The following TTC7A variants were observed in gnomAD, a reference collection of about 807,000 sequenced individuals.
TTC7A encodes the protein tetratricopeptide repeat domain 7A.
A neutral mutation model predicts 103.7 loss-of-function variants in TTC7A; 110 were observed. That is an observed-to-expected ratio of 1.06 (90% CI 0.91 to 1.24). TTC7A has a LOEUF of 1.24. TTC7A is among the 50% of genes most tolerant of loss of function. The pLI is 0.00. For missense variants in TTC7A, 1,340 were observed against 1,116.3 expected (o/e 1.20, Z -2.86); for synonymous variants, 521 against 467.9 (o/e 1.11, Z -1.47).
intron 2 of TTC7A, among the ~76,000 whole-genome samples, chr2:46,930,616 C>CA (rs1374744274): frequency 6.6e-6 from 1 of 151,698 alleles, no homozygotes; most frequent in Non-Finnish European, 1.5e-5. Context: ...TCTCCTGCCT[C>CA]AGCCTCCCAA....
intron 1 of TTC7A, among the ~76,000 whole-genome samples, chr2:46,944,541 A>T (rs1670766301): frequency 6.6e-6 from 1 of 151,958 alleles, no homozygotes; most frequent in South Asian, 2.1e-4. Context: ...ACAAAGTGAG[A>T]TCCCATCTCT....
chr2:47,072,641 A>C (rs1003694868), intron 19 of TTC7A, among the ~76,000 whole-genome samples: 1 of 151,176 alleles, frequency 6.6e-6, no homozygotes, highest in Non-Finnish European at 1.5e-5. Flanking sequence ...GCAGCTCCCC[A>C]CCCCCACTGC....
chr2:47,014,466 C>G (rs886312970), intron 11 of TTC7A, among the ~76,000 whole-genome samples: 9 of 152,184 alleles, frequency 5.9e-5, no homozygotes, highest in Admixed American at 2.6e-4. Flanking sequence ...GTTTGAGCCC[C>G]TTTTTCTCAA....
chr2:47,036,662 G>A (rs949983035), intron 15 of TTC7A, among the ~76,000 whole-genome samples: 1 of 152,164 alleles, frequency 6.6e-6, no homozygotes, highest in South Asian at 2.1e-4. Context: ...TTTGAGAACA[G>A]CCCTGGTAAC....
intron 5 of TTC7A, among the ~76,000 whole-genome samples, chr2:46,987,595 T>C (rs1376458469): frequency 6.6e-6 from 1 of 152,220 alleles, no homozygotes; most frequent in Non-Finnish European, 1.5e-5. Context: ...TATTCTTTGC[T>C]CTGGGTCCAG....
chr2:47,024,370 C>T lies in TTC7A; in HGVS notation c.1641+11C>T, dbSNP rs773220247. Reference sequence around the variant, plus strand: ...GCCCTCGTCCGACAGGTGGGTTGTCCGTGTTCCTAACCCCCGGGTCCTCGG... The same window carrying T: ...GCCCTCGTCCGACAGGTGGGTTGTCTGTGTTCCTAACCCCCGGGTCCTCGG... On this transcript the variant is annotated intron_variant, in intron 14 of 19. Transcript: ENST00000319190. The T allele has an allele frequency of 1.2e-5, 19 of 1,602,852 alleles. No homozygotes were observed. Among genetic ancestry groups the T allele is most frequent in the Admixed American group, 8.5e-5 (5 of 58,880 alleles).
At chr2:46,921,177 G>A (rs151265033) in intron 2 of TTC7A, among the ~76,000 whole-genome samples, 74 of 152,206 alleles carry the variant, frequency 4.9e-4, no homozygotes, top group African/African-American at 1.7e-3. Context: ...GCTTTAAGCC[G>A]TTAGAGAACA....
intron 19 of TTC7A, 66 bp from the exon 20 acceptor site, chr2:47,073,636 C>A: frequency 7.6e-6 from 11 of 1,444,388 alleles, no homozygotes; most frequent in Non-Finnish European, 1.1e-5. Context: ...CTGTGCTTGG[C>A]CCAGTTGCCA....
At chr2:46,926,346 C>T (rs1334946897) in intron 2 of TTC7A, among the ~76,000 whole-genome samples, 1 of 152,134 alleles carries the variant, frequency 6.6e-6, no homozygotes, top group African/African-American at 2.4e-5. Flanking sequence ...TGCTCCCTAT[C>T]CTCAAGATAC....
chr2:46,924,927 C>T (rs886796047), intron 2 of TTC7A, among the ~76,000 whole-genome samples: 1 of 152,204 alleles, frequency 6.6e-6, no homozygotes, highest in Non-Finnish European at 1.5e-5. Flanking sequence ...CTGCCACAGC[C>T]TTCATTGGAT....
At chr2:46,946,033 G>T (rs1670906658) in intron 1 of TTC7A, among the ~76,000 whole-genome samples, 2 of 152,198 alleles carry the variant, frequency 1.3e-5, no homozygotes, top group African/African-American at 4.8e-5. Context: ...CAAACATGGG[G>T]TCTTGAAGGG....
At chr2:47,028,568 G>T (rs563129028) in intron 14 of TTC7A, among the ~76,000 whole-genome samples, 1 of 152,148 alleles carries the variant, frequency 6.6e-6, no homozygotes, top group African/African-American at 2.4e-5. Context: ...GTGACCTCTG[G>T]TCTCCCCACC....
chr2:47,071,079 CAGG>C (rs945172967), intron 19 of TTC7A: 4 of 152,326 alleles, frequency 2.6e-5, no homozygotes, highest in Admixed American at 2.6e-4. Flanking sequence ...GTCGGGGTGC[CAGG>C]AGGATTGTCT....
intron 2 of TTC7A, among the ~76,000 whole-genome samples, chr2:46,930,887 A>G (rs975939961): frequency 7.2e-5 from 11 of 152,202 alleles, no homozygotes; most frequent in Admixed American, 7.2e-4. Flanking sequence ...GCTTTATATG[A>G]ACTCTTTGGA....
At chr2:47,053,530 T>TTTGTTTGTTTG (rs1683049770) in intron 18 of TTC7A, among the ~76,000 whole-genome samples, 1 of 138,748 alleles carries the variant, frequency 7.2e-6, no homozygotes, top group Non-Finnish European at 1.6e-5. Context: ...TGGTGGGTTT[T>TTTGTTTGTTTG]TTTGTTTGTT....
chr2:46,931,033 A>G (rs1669674554), intron 2 of TTC7A, among the ~76,000 whole-genome samples: 1 of 152,236 alleles, frequency 6.6e-6, no homozygotes, highest in East Asian at 1.9e-4. Flanking sequence ...TAAACAAAAC[A>G]TTTTATTAGC....
intron 15 of TTC7A, among the ~76,000 whole-genome samples, chr2:47,044,404 A>C (rs1682086227): frequency 6.6e-6 from 1 of 152,170 alleles, no homozygotes; most frequent in Non-Finnish European, 1.5e-5. Flanking sequence ...ATCCTTTGCA[A>C]ACCTGCGGAA....
At chr2:46,943,951 ACT>A (rs1246756171) in intron 1 of TTC7A, among the ~76,000 whole-genome samples, 1 of 151,948 alleles carries the variant, frequency 6.6e-6, no homozygotes, top group Non-Finnish European at 1.5e-5. Context: ...AGCTGTGGGG[ACT>A]CTTTCTGATC....
In TTC7A at chr2:47,011,374, G is replaced by A. The variant is rs764574982; in HGVS notation, c.1331G>A (p.Arg444Gln). The change falls in exon 11 of 20, where the codon CGG (arginine) becomes CAG (glutamine). Residue 444 changes from arginine (R) to glutamine (Q), a missense_variant. Transcript: ENST00000319190. ...VSLLRECVKL[R>Q]PSDPTVPLMA... ...CTGCTGCGGGAGTGTGTGAAGTTGC[G>A]GCCCTCGGACCCCACCGTGCCCCTG... 5.0e-5 allele frequency: 80 copies of A among 1,612,538 alleles called. No homozygotes were observed. The highest frequency in any genetic ancestry group is 6.0e-5 in the Non-Finnish European group (71 of 1,179,922).
Sources: allele counts gnomAD v4.1 joint callset (sites outside exome capture counted in the v4.1 genomes callset), GRCh38; gene constraint gnomAD v4.1.1; transcripts MANE v1.5; gene names NCBI Gene and HGNC (gene_info 2026-07-23, HGNC 2026-07-21).